Variants in EYS observed in about 807,000 individuals in gnomAD.
EYS encodes the protein protein eyes shut homolog.
Under a neutral mutation model 282.1 loss-of-function variants are expected in EYS, and 250 were observed. The observed-to-expected ratio is 0.89, with a 90% CI of 0.80 to 0.98. The LOEUF is 0.98. Ranked by LOEUF, EYS falls within the 50% of genes least tolerant of loss-of-function variation. The probability of loss-of-function intolerance (pLI) is 0.00; values close to 1 mark genes in which losing one functional copy is unlikely to be tolerated. For synonymous variants in EYS, 1,355 were observed against 1,282.9 expected (o/e 1.06, Z -1.20); for missense variants, 4,016 against 3,709.0 (o/e 1.08, Z -2.15).
chr6:65,296,059 T>C lies in EYS; in HGVS notation c.1827A>G (p.Leu609=). 1 of 1,550,738 alleles carries C rather than the reference T, an allele frequency of 6.4e-7. No individual in the cohort carries two copies. The highest frequency in any genetic ancestry group is 8.7e-7 in the Non-Finnish European group (1 of 1,146,338). ...CATGCACTGATATACTGTGGTTCCC[T>C]AAGCAATAGTCAACATTGACAACAC... ...RLCVVNVDYC[L]GNHSISVHGL... Residue 609 remains leucine (L), a synonymous_variant, in exon 12 of 43, where the codon TTA becomes TTG. Transcript: ENST00000503581.
At chr6:64,531,913 G>C (rs970454921) in intron 26 of EYS, among the ~76,000 whole-genome samples, 11 of 152,076 alleles carry the variant, frequency 7.2e-5, no homozygotes, top group Non-Finnish European at 4.4e-5. Flanking sequence ...AGTCACACCA[G>C]TGGGTTGAAA....
intron 26 of EYS, among the ~76,000 whole-genome samples, chr6:64,499,643 G>C (rs1776981063): frequency 6.6e-6 from 1 of 151,470 alleles, no homozygotes; most frequent in South Asian, 2.1e-4. Flanking sequence ...TTTTTTTTAG[G>C]CTGCTTTCTT....
At position 65,663,361 on chromosome 6, in the gene EYS, C is replaced by T. The variant is rs573217761; in HGVS notation, c.-447-23469G>A. Reference sequence around the variant, plus strand: ...AGAGCCATGAATTGGTATAGGACCACAGGAGACACCATAGAAAAATAAGAG... The same window carrying T: ...AGAGCCATGAATTGGTATAGGACCATAGGAGACACCATAGAAAAATAAGAG... On this transcript the variant is annotated intron_variant, in intron 1 of 42. Transcript: ENST00000503581. Among the ~76,000 whole-genome samples, 12 of 152,206 alleles carry T rather than the reference C, an allele frequency of 7.9e-5. No homozygotes were observed. The South Asian group carries it at 1.2e-3, about 16-fold the overall frequency.
At chr6:64,439,122 T>G in intron 27 of EYS, 40 bp downstream of exon 27, 5 of 1,161,274 alleles carry the variant, frequency 4.3e-6, no homozygotes, top group Non-Finnish European at 5.9e-6. Context: ...TTAGAACAAC[T>G]TTGTAATTTT....
At chr6:64,339,510 C>A (rs1761210499) in intron 29 of EYS, among the ~76,000 whole-genome samples, 3 of 151,828 alleles carry the variant, frequency 2.0e-5, no homozygotes, top group Admixed American at 2.0e-4. Flanking sequence ...GATCAGGGAA[C>A]ACTTCTACAC....
intron 41 of EYS, among the ~76,000 whole-genome samples, 191 bp from the exon 42 acceptor site, chr6:63,726,871 G>A (rs1279896574): frequency 6.6e-6 from 1 of 152,174 alleles, no homozygotes; most frequent in African/African-American, 2.4e-5. Flanking sequence ...TTAGGGTTTT[G>A]TAACGAAGTC....
chr6:65,161,132 A>C (rs1488688048), intron 12 of EYS, among the ~76,000 whole-genome samples: 4 of 151,022 alleles, frequency 2.6e-5, no homozygotes, highest in South Asian at 2.1e-4. Flanking sequence ...TCAGTAAGCA[A>C]TAAGGAGTTG....
intron 29 of EYS, among the ~76,000 whole-genome samples, chr6:64,318,652 AT>A (rs1770075622): frequency 6.6e-6 from 1 of 151,840 alleles, no homozygotes; most frequent in Non-Finnish European, 1.5e-5. Context: ...TTAAGGAACA[AT>A]TTTTTTGGAG....
At chr6:64,715,926 A>G (rs74835024) in intron 22 of EYS, among the ~76,000 whole-genome samples, 7,058 of 152,232 alleles carry the variant, frequency 0.046, 232 homozygotes, top group East Asian at 0.18. Flanking sequence ...CTGTTTTTCT[A>G]AAAGAAATCT....
chr6:64,817,578 G>C (rs940555239), intron 21 of EYS, among the ~76,000 whole-genome samples: 3 of 151,974 alleles, frequency 2.0e-5, no homozygotes, highest in African/African-American at 7.2e-5. Flanking sequence ...GCATAAAATA[G>C]GTCATTTTTT....
intron 12 of EYS, among the ~76,000 whole-genome samples, chr6:65,076,351 T>A (rs149365821): frequency 0.014 from 2,175 of 152,086 alleles, 52 homozygotes; most frequent in African/African-American, 0.049. Context: ...ATATTGACAA[T>A]GACATGGCAA....
intron 36 of EYS, among the ~76,000 whole-genome samples, chr6:63,824,768 C>A (rs954030996): frequency 2.6e-5 from 4 of 152,088 alleles, no homozygotes; most frequent in African/African-American, 9.7e-5. Flanking sequence ...TTACTGGGTC[C>A]CCAAGCAGCC....
intron 12 of EYS, among the ~76,000 whole-genome samples, chr6:65,293,014 T>C (rs1488486577): frequency 5.3e-5 from 8 of 151,698 alleles, no homozygotes; most frequent in East Asian, 3.9e-4. Flanking sequence ...CAATAAGGCT[T>C]ATCTCAGTCT....
At chr6:64,417,179 G>T (rs1174011365) in intron 28 of EYS, among the ~76,000 whole-genome samples, 2 of 152,158 alleles carry the variant, frequency 1.3e-5, no homozygotes, top group Non-Finnish European at 2.9e-5. Flanking sequence ...ATTTTAAAAT[G>T]CTCAAGAGTA....
At chr6:64,151,334 T>TATATATAA (rs1774713407) in intron 31 of EYS, among the ~76,000 whole-genome samples, 1 of 103,292 alleles carries the variant, frequency 9.7e-6, no homozygotes, top group African/African-American at 5.3e-5. Flanking sequence ...TATATATATA[T>TATATATAA]ATATATATAT....
intron 2 of EYS, among the ~76,000 whole-genome samples, chr6:65,629,267 GAC>G (rs902163043): frequency 2.0e-5 from 3 of 151,924 alleles, no homozygotes; most frequent in Non-Finnish European, 2.9e-5. Context: ...CAGAAGTTAT[GAC>G]ACACACACAA....
chr6:65,556,254 T>C (rs1265753085), intron 2 of EYS, among the ~76,000 whole-genome samples: 1 of 152,322 alleles, frequency 6.6e-6, no homozygotes, highest in African/African-American at 2.4e-5. Context: ...GAGGATTGCT[T>C]GAGACCAGGA....
intron 22 of EYS, among the ~76,000 whole-genome samples, chr6:64,792,027 T>G (rs1774207023): frequency 6.6e-6 from 1 of 151,932 alleles, no homozygotes; most frequent in East Asian, 1.9e-4. Flanking sequence ...ATATTCATCA[T>G]CCTAGTGCAG....
At chr6:63,837,823 A>C (rs767511338) in intron 36 of EYS, among the ~76,000 whole-genome samples, 12 of 152,116 alleles carry the variant, frequency 7.9e-5, no homozygotes, top group Non-Finnish European at 1.5e-4. Flanking sequence ...CTCACAAAAG[A>C]GGTTGAGAAA....
Sources: allele counts gnomAD v4.1 joint callset (sites outside exome capture counted in the v4.1 genomes callset), GRCh38; gene constraint gnomAD v4.1.1; transcripts MANE v1.5; gene names NCBI Gene and HGNC (gene_info 2026-07-23, HGNC 2026-07-21).